IQGAP1: variants seen among roughly 807,000 people sequenced by gnomAD.
IQGAP1 encodes the protein ras GTPase-activating-like protein IQGAP1.
A neutral mutation model predicts 215.6 loss-of-function variants in IQGAP1; 66 were observed. The ratio of observed to expected loss-of-function variants is 0.31; its 90% CI spans 0.25 to 0.38. IQGAP1 has a LOEUF of 0.38. IQGAP1 is among the 10% of genes least tolerant of loss of function. The pLI, the probability that IQGAP1 is intolerant of heterozygous loss-of-function variation, is 1.00. For synonymous variants in IQGAP1, 772 were observed against 728.7 expected (o/e 1.06, Z -0.96); for missense variants, 1,712 against 1,997.1 (o/e 0.86, Z 2.72).
intron 23 of IQGAP1, among the ~76,000 whole-genome samples, chr15:90,475,162 G>A (rs1596285551): frequency 6.6e-6 from 1 of 151,948 alleles, no homozygotes; most frequent in East Asian, 2.0e-4. Flanking sequence ...CTACACCCTG[G>A]TAATTTTTGT....
In IQGAP1 at chr15:90,500,691, T is replaced by A. The variant is rs1369960086; in HGVS notation, c.*583T>A. The A allele has an allele frequency of 1.3e-5, 2 of 152,276 alleles. No homozygotes were observed. Among genetic ancestry groups the A allele is most frequent in the Non-Finnish European group, 2.9e-5 (2 of 68,050 alleles). The allele number at this position is 152,276 out of a possible 1,614,324, so 9.4% of individuals were successfully genotyped here. On this transcript the variant is annotated 3_prime_UTR_variant, in exon 38 of 38. Transcript: ENST00000268182. ...GGACAGGAGCTAATGGAAGTGACAG[T>A]CATGTTCAAAGGAAGCATTTCTAGA...
At position 90,474,994 on chromosome 15, in the gene IQGAP1, C is replaced by CTTT. The variant is rs771704265; in HGVS notation, c.2784+320_2784+322dup. On this transcript the variant is annotated intron_variant, in intron 23 of 37. Coordinates refer to ENST00000268182, the MANE Select transcript of IQGAP1 (RefSeq NM_003870.4). Reference sequence around the variant, plus strand: ...CTGGCTAATGTTTTTTGATTTTTGGCTTTTTTTTTTTTTTTTTTTTTGCTG... The same window carrying CTTT: ...CTGGCTAATGTTTTTTGATTTTTGGCTTTTTTTTTTTTTTTTTTTTTTTTGCTG... 1,167 of 119,478 alleles carry CTTT rather than the reference C, an allele frequency of 9.8e-3. 39 individuals are homozygous for CTTT. The highest frequency in any genetic ancestry group is 0.018 in the African/African-American group (467 of 25,804). The allele number at this position is 119,478 out of a possible 1,614,324, so 7.4% of individuals were successfully genotyped here.
At chr15:90,390,973 C>A in intron 2 of IQGAP1, 100 bp downstream of exon 2, 1 of 781,618 alleles carries the variant, frequency 1.3e-6, no homozygotes, top group Non-Finnish European at 2.2e-6. Flanking sequence ...GTGGTCCATG[C>A]CTGTAATCCC....
At chr15:90,454,867 T>A (rs532331630) in intron 14 of IQGAP1, among the ~76,000 whole-genome samples, 1 of 152,310 alleles carries the variant, frequency 6.6e-6, no homozygotes, top group South Asian at 2.1e-4. Flanking sequence ...GGCATGGTCC[T>A]CCACAAGACT....
intron 24 of IQGAP1, 68 bp from the exon 25 acceptor site, chr15:90,476,999 A>G: frequency 6.8e-7 from 1 of 1,461,678 alleles, no homozygotes; most frequent in South Asian, 1.2e-5. Flanking sequence ...TTCAATTTTA[A>G]ATAATTGAAT....
In IQGAP1 at chr15:90,479,037, G is replaced by A. The variant is rs574984915; in HGVS notation, c.3329+1148G>A. ...TTGTCTTGGGTGAGGACCCAGAGGG[G>A]TGGGAGATGGAGGTGTGAGCAGCAT... On this transcript the variant is annotated intron_variant, in intron 26 of 37. Transcript: ENST00000268182. 1.4e-4 allele frequency among the ~76,000 whole-genome samples: 21 copies of A among 152,280 alleles called. No individual in the cohort carries two copies. The East Asian group carries it at 3.9e-3, about 28-fold the overall frequency.
In IQGAP1 at chr15:90,439,315, C is replaced by T; in HGVS notation, c.468-17C>T. ...CACAGCTGGGAGGCCTAACCTTTTG[C>T]ATATTGTATCTTCTAGTTTGTACCT... On this transcript the variant is annotated splice_polypyrimidine_tract_variant and intron_variant, in intron 5 of 37. Coordinates refer to ENST00000268182, the MANE Select transcript of IQGAP1 (RefSeq NM_003870.4). 6.2e-7 allele frequency: 1 copy of T among 1,608,746 alleles called. No individual in the cohort carries two copies. The highest frequency in any genetic ancestry group is 8.5e-7 in the Non-Finnish European group (1 of 1,176,280).
At chr15:90,478,112 C>T (rs527642958) in intron 26 of IQGAP1, among the ~76,000 whole-genome samples, 3 of 152,228 alleles carry the variant, frequency 2.0e-5, no homozygotes, top group African/African-American at 7.2e-5. Flanking sequence ...ATGCCCCAGC[C>T]TCCCGAGTAG....
At chr15:90,465,648 GC>G (rs1965819598) in intron 15 of IQGAP1, among the ~76,000 whole-genome samples, 2 of 150,956 alleles carry the variant, frequency 1.3e-5, no homozygotes, top group South Asian at 4.2e-4. Flanking sequence ...CTATAGGCGT[GC>G]ACCACCATGC....
chr15:90,473,526 T>C, intron 19 of IQGAP1, 189 bp from the exon 20 acceptor site: 1 of 576,244 alleles, frequency 1.7e-6, no homozygotes, highest in Non-Finnish European at 3.1e-6. Context: ...GGAAGTAGAA[T>C]GTAGCCATCG....
intron 34 of IQGAP1, 113 bp from the exon 35 acceptor site, chr15:90,492,419 TAAAAAAAAAAAAA>T (rs56724183): frequency 3.2e-5 from 12 of 371,098 alleles, no homozygotes; most frequent in Middle Eastern, 7.5e-4. Context: ...ACAGAGTGTC[TAAAAAAAAAAAAA>T]AAAAAAAAAG....
At chr15:90,499,113 G>C (rs1966310258) in intron 37 of IQGAP1, among the ~76,000 whole-genome samples, 1 of 151,982 alleles carries the variant, frequency 6.6e-6, no homozygotes, top group Non-Finnish European at 1.5e-5. Flanking sequence ...ACCACACCCG[G>C]CCTTGTGGGG....
chr15:90,469,933 T>TTGAA (rs1025206608), intron 18 of IQGAP1, among the ~76,000 whole-genome samples: 48 of 152,266 alleles, frequency 3.2e-4, no homozygotes, highest in African/African-American at 1.1e-3. Context: ...GAGGCCCAGG[T>TTGAA]TGAAGCTTGA....
At chr15:90,464,902 A>G (rs1965810054) in intron 15 of IQGAP1, among the ~76,000 whole-genome samples, 2 of 152,130 alleles carry the variant, frequency 1.3e-5, no homozygotes, top group Admixed American at 1.3e-4. Flanking sequence ...CTACTAATCT[A>G]ATTCTGTTTA....
chr15:90,485,952 G>C, intron 30 of IQGAP1, 78 bp from the exon 31 acceptor site: 1 of 1,085,522 alleles, frequency 9.2e-7, no homozygotes, highest in Non-Finnish European at 1.4e-6. Flanking sequence ...TCTTTGTGCA[G>C]ATCATTGTTA....
chr15:90,444,520 G>C (rs1236056924), intron 9 of IQGAP1, among the ~76,000 whole-genome samples: 1 of 152,122 alleles, frequency 6.6e-6, no homozygotes, highest in Admixed American at 6.5e-5. Context: ...CTGATCTCAA[G>C]TGATCCTGCC....
Position 90,487,589 on chromosome 15 carries a change from T to A in IQGAP1, c.4248+7T>A, listed in dbSNP as rs1179912488. The A allele has an allele frequency of 3.8e-6, 6 of 1,598,702 alleles. No individual in the cohort carries two copies. The highest frequency in any genetic ancestry group is 5.1e-6 in the Non-Finnish European group (6 of 1,166,172). On this transcript the variant is annotated splice_region_variant and intron_variant, in intron 33 of 37. Transcript: ENST00000268182. ...ACCAGCCACCAGTGAACAGGTAAAA[T>A]TTAGGGTCTAACATACTCCTTTGTT...
At chr15:90,457,891 A>C (rs955944892) in intron 15 of IQGAP1, among the ~76,000 whole-genome samples, 1 of 152,220 alleles carries the variant, frequency 6.6e-6, no homozygotes, top group African/African-American at 2.4e-5. Context: ...TTTTGTGACA[A>C]CTTAATTGAA....
chr15:90,395,563 G>T (rs534096760), intron 2 of IQGAP1, among the ~76,000 whole-genome samples: 1 of 152,244 alleles, frequency 6.6e-6, no homozygotes, highest in East Asian at 1.9e-4. Context: ...CTCGTGATCC[G>T]CCCGCCTTGG....
Sources: allele counts gnomAD v4.1 joint callset (sites outside exome capture counted in the v4.1 genomes callset), GRCh38; gene constraint gnomAD v4.1.1; transcripts MANE v1.5; gene names NCBI Gene and HGNC (gene_info 2026-07-23, HGNC 2026-07-21).